Variants in SDK1 observed in about 807,000 individuals in gnomAD.
The protein encoded by SDK1 is sidekick cell adhesion molecule 1.
A neutral mutation model predicts 245.5 loss-of-function variants in SDK1; 157 were observed. That is an observed-to-expected ratio of 0.64 (90% CI 0.56 to 0.73). The LOEUF (loss-of-function observed/expected upper bound fraction) is 0.73, where lower values mean the gene tolerates loss of function less well. SDK1 is among the 30% of genes least tolerant of loss of function. SDK1 has a pLI of 0.00. For missense variants in SDK1, 3,583 were observed against 3,002.3 expected (o/e 1.19, Z -4.52); for synonymous variants, 1,647 against 1,278.5 (o/e 1.29, Z -6.15).
rs558846780 is a variant in SDK1, at chr7:3,958,882, A to G, written c.1151-49A>G. On this transcript the variant is annotated intron_variant, in intron 7 of 44. Transcript: ENST00000404826. ...ACTATCTTAGGTTATATGGTCTCTG[A>G]CATATCCTTCTTTGGCTTAGGGGCT... is the stretch of plus-strand genomic sequence containing the variant. 21 of 1,425,044 alleles carry G rather than the reference A, an allele frequency of 1.5e-5. No homozygotes were observed. In the African/African-American group the frequency reaches 1.8e-4, roughly 12 times the overall value. The allele number at this position is 1,425,044 out of a possible 1,614,324, so 88.3% of individuals were successfully genotyped here. A position where few individuals can be genotyped will look rare whatever the true frequency, so the allele number is the denominator to read the frequency against.
intron 4 of SDK1, among the ~76,000 whole-genome samples, chr7:3,702,372 C>A (rs1470388928): frequency 6.6e-6 from 1 of 152,136 alleles, no homozygotes; most frequent in African/African-American, 2.4e-5. Flanking sequence ...TTTTAAAAAG[C>A]AACTGTGTCT....
chr7:3,879,361 C>T (rs59546293), intron 5 of SDK1, among the ~76,000 whole-genome samples: 1,792 of 152,278 alleles, frequency 0.012, 28 homozygotes, highest in African/African-American at 0.035. Flanking sequence ...AAGGTGGAGG[C>T]AAACAACTGG....
intron 1 of SDK1, among the ~76,000 whole-genome samples, chr7:3,542,281 A>G (rs1232004877): frequency 2.0e-5 from 3 of 152,198 alleles, no homozygotes; most frequent in Admixed American, 2.0e-4. Context: ...GATGTTTTAC[A>G]TATTAGAACT....
chr7:4,036,152 A>G (rs993080549), intron 17 of SDK1, among the ~76,000 whole-genome samples: 11 of 152,184 alleles, frequency 7.2e-5, no homozygotes, highest in Non-Finnish European at 1.6e-4. Flanking sequence ...GCTTCTGCCA[A>G]AGTAGGAGGT....
chr7:4,006,875 A>G (rs1785522752), intron 14 of SDK1, among the ~76,000 whole-genome samples: 1 of 152,224 alleles, frequency 6.6e-6, no homozygotes, highest in Admixed American at 6.5e-5. Context: ...GAGTGAACAA[A>G]CAGCCAGGAT....
intron 5 of SDK1, among the ~76,000 whole-genome samples, chr7:3,861,480 G>A (rs1354365694): frequency 6.6e-6 from 1 of 152,130 alleles, no homozygotes; most frequent in Non-Finnish European, 1.5e-5. Flanking sequence ...AAACTGAACA[G>A]TTTCCACTGA....
At chr7:3,912,300 T>C (rs546361660) in intron 5 of SDK1, among the ~76,000 whole-genome samples, 1 of 152,360 alleles carries the variant, frequency 6.6e-6, no homozygotes, top group Non-Finnish European at 1.5e-5. Flanking sequence ...TTTCAGATGC[T>C]AATGCGTGTA....
chr7:3,991,099 A>G (rs1361317003), intron 14 of SDK1, among the ~76,000 whole-genome samples: 1 of 152,212 alleles, frequency 6.6e-6, no homozygotes, highest in Non-Finnish European at 1.5e-5. Flanking sequence ...GTTCCCGGCT[A>G]GGTACGTACA....
intron 1 of SDK1, among the ~76,000 whole-genome samples, chr7:3,499,296 C>G (rs1001274316): frequency 2.0e-5 from 3 of 152,138 alleles, no homozygotes; most frequent in African/African-American, 7.2e-5. Context: ...TTCTCAGGCA[C>G]TAACTTGCTA....
At chr7:3,884,413 T>C (rs1781289032) in intron 5 of SDK1, among the ~76,000 whole-genome samples, 1 of 152,218 alleles carries the variant, frequency 6.6e-6, no homozygotes. Context: ...TGTTTGATAC[T>C]GTTGGTTTGT....
At position 4,265,552 on chromosome 7, in the gene SDK1, G is replaced by GT. The variant is rs1364127241; in HGVS notation, c.*175dup. 4 of 1,341,908 alleles carry GT rather than the reference G, an allele frequency of 3.0e-6. No individual in the cohort carries two copies. Among genetic ancestry groups the GT allele is most frequent in the Admixed American group, 3.8e-5 (1 of 26,216 alleles). 83.1% of individuals were successfully genotyped at this position (1,341,908 alleles called of 1,614,324 possible). On this transcript the variant is annotated 3_prime_UTR_variant, in exon 45 of 45. Transcript: ENST00000404826. ...TGGACACTAGATTTCAATTAGGAAGGTTTTTTTAAACGGCTTTTTGTAACT... is the reference window on the plus strand; with the variant it reads ...TGGACACTAGATTTCAATTAGGAAGGTTTTTTTTAAACGGCTTTTTGTAACT...
intron 4 of SDK1, among the ~76,000 whole-genome samples, chr7:3,739,102 C>T (rs1779403617): frequency 6.6e-6 from 1 of 151,978 alleles, no homozygotes; most frequent in Admixed American, 6.6e-5. Context: ...TATTTCTGAA[C>T]TTTAAATAGA....
intron 19 of SDK1, among the ~76,000 whole-genome samples, chr7:4,058,674 A>G (rs1779350004): frequency 6.6e-6 from 1 of 152,226 alleles, no homozygotes; most frequent in Admixed American, 6.5e-5. Flanking sequence ...CTTACATGCC[A>G]AGAGAAAAAT....
At chr7:4,091,583 TCCAC>T (rs1781806196) in intron 22 of SDK1, among the ~76,000 whole-genome samples, 1 of 152,090 alleles carries the variant, frequency 6.6e-6, no homozygotes, top group African/African-American at 2.4e-5. Flanking sequence ...CCTCAGGTGA[TCCAC>T]CCACCTCAGC....
chr7:3,826,631 C>T (rs556107258), intron 5 of SDK1, among the ~76,000 whole-genome samples: 5 of 152,194 alleles, frequency 3.3e-5, no homozygotes, highest in South Asian at 2.1e-4. Context: ...TCCACCTCTC[C>T]GGGCAAAGGT....
intron 5 of SDK1, among the ~76,000 whole-genome samples, chr7:3,916,237 C>T (rs1209662754): frequency 1.3e-5 from 2 of 152,234 alleles, no homozygotes; most frequent in South Asian, 2.1e-4. Flanking sequence ...CTACATTTTA[C>T]ATGTGAAGAA....
intron 1 of SDK1, among the ~76,000 whole-genome samples, chr7:3,514,449 T>G (rs1782674484): frequency 6.6e-6 from 1 of 152,072 alleles, no homozygotes; most frequent in African/African-American, 2.4e-5. Flanking sequence ...AAGGGAAAGG[T>G]TTGTTTCTCT....
At chr7:3,940,948 C>A (rs1780344736) in intron 5 of SDK1, among the ~76,000 whole-genome samples, 1 of 151,956 alleles carries the variant, frequency 6.6e-6, no homozygotes, top group African/African-American at 2.4e-5. Context: ...GCCCATGTAC[C>A]CCCTGAACCT....
At chr7:3,747,247 A>T (rs1048456900) in intron 4 of SDK1, among the ~76,000 whole-genome samples, 1 of 152,224 alleles carries the variant, frequency 6.6e-6, no homozygotes, top group African/African-American at 2.4e-5. Flanking sequence ...GTAATTAGAA[A>T]TGTATTTTAT....
Sources: allele counts gnomAD v4.1 joint callset (sites outside exome capture counted in the v4.1 genomes callset), GRCh38; gene constraint gnomAD v4.1.1; transcripts MANE v1.5; gene names NCBI Gene and HGNC (gene_info 2026-07-23, HGNC 2026-07-21).